Variants in MAGEA11 observed in about 807,000 individuals in gnomAD.
MAGEA11 encodes the protein melanoma-associated antigen 11.
In MAGEA11, 1 loss-of-function variant was observed where a neutral mutation model predicts 8.4. That is an observed-to-expected ratio of 0.12 (90% confidence interval 0.04 to 0.57). The LOEUF (loss-of-function observed/expected upper bound fraction) is 0.57. Among genes scored for constraint, MAGEA11 ranks in the 20% least tolerant of loss-of-function variants. The pLI, the probability that MAGEA11 is intolerant of heterozygous loss-of-function variation, is 0.91. For missense variants in MAGEA11, 209 were observed against 317.3 expected, an observed-to-expected ratio of 0.66 and a Z score of 2.59; for synonymous variants, 127 against 119.3, an observed-to-expected ratio of 1.06 and a Z score of -0.42.
Position 149,690,649 on chromosome X carries a change from G to C in MAGEA11, c.9+1665G>C, listed in dbSNP as rs782634805. ...TTTTAACTTAATACCTTTAAGTACT[G>C]TTATTTTAAACAGTTACTTTGCTAT... On this transcript the variant is annotated intron_variant, in intron 1 of 3. Transcript: ENST00000333104. 4.5e-5 allele frequency among the ~76,000 whole-genome samples: 5 copies of C among 112,314 alleles called. No homozygotes were observed. The South Asian group carries it at 1.8e-3, about 41-fold the overall frequency.
chrX:149,706,885 T>C (rs1410723152), intron 1 of MAGEA11, among the ~76,000 whole-genome samples: 1 of 112,201 alleles, frequency 8.9e-6, no homozygotes, highest in Non-Finnish European at 1.9e-5. Context: ...TTAACTTGCA[T>C]ATCCAAACAA....
chrX:149,716,548 G>A lies in MAGEA11; in HGVS notation c.1062G>A (p.Glu354=). ...YAGREHFLFG[E]PKRLLTQNWV... is the part of the protein sequence containing the mutation. ...GAAGGGAGCACTTCCTCTTTGGGGA[G>A]CCCAAGAGGCTCCTTACCCAAAATT... Residue 354 remains glutamate (E), a synonymous_variant, in exon 5 of 5, where the codon GAG becomes GAA. Coordinates refer to ENST00000355220, the MANE Select transcript of MAGEA11 (RefSeq NM_005366.5). The A allele has an allele frequency of 1.7e-6, 2 of 1,211,234 alleles. No individual in the cohort carries two copies. The highest frequency in any genetic ancestry group is 2.2e-6 in the Non-Finnish European group (2 of 895,135).
At chrX:149,689,013 G>T (rs1557359918) in intron 1 of MAGEA11, 3 of 1,021,419 alleles carry the variant, frequency 2.9e-6, no homozygotes, top group Non-Finnish European at 3.9e-6. Context: ...GCAAGGAGGG[G>T]TAAGCTGGAG....
At chrX:149,712,205 G>A in intron 1 of MAGEA11, 43 bp downstream of exon 1, 1 of 714,529 alleles carries the variant, frequency 1.4e-6, no homozygotes, top group Non-Finnish European at 1.7e-6. Context: ...TACCCAGATA[G>A]AGGGCCCCAA....
intron 1 of MAGEA11, among the ~76,000 whole-genome samples, chrX:149,712,365 G>A (rs1557361996): frequency 8.9e-6 from 1 of 112,016 alleles, no homozygotes; most frequent in Non-Finnish European, 1.9e-5. Context: ...GTGGGGCCCC[G>A]GCCTTTCCAG....
rs187292438 is a variant in MAGEA11 at position 149,704,832 on chromosome X, A to G, written c.10-9649A>G. Among the ~76,000 whole-genome samples the G allele has an allele frequency of 2.4e-3, 269 of 112,354 alleles. 1 individual carries two copies. The highest frequency in any genetic ancestry group is 4.5e-3 in the Non-Finnish European group (242 of 53,211). On this transcript the variant is annotated intron_variant, in intron 1 of 3. Coordinates refer to the MAGEA11 transcript ENST00000333104. ...TTAGATGACTCAACAATTTCCTTCG[A>G]GCCAACTCCACTGAGCAGGCTGGCA... is the stretch of plus-strand genomic sequence containing the variant.
At chrX:149,705,398 G>C (rs1342337052) in intron 1 of MAGEA11, among the ~76,000 whole-genome samples, 9 of 112,095 alleles carry the variant, frequency 8.0e-5, no homozygotes, top group Non-Finnish European at 3.8e-5. Context: ...CGTCATCCAC[G>C]TAAGATGTGA....
chrX:149,706,678 C>T (rs1557361494), intron 1 of MAGEA11, among the ~76,000 whole-genome samples: 3 of 111,753 alleles, frequency 2.7e-5, no homozygotes, highest in Admixed American at 1.9e-4. Flanking sequence ...AGCACTGAGT[C>T]TTGAGTAGTT....
upstream of MAGEA11, among the ~76,000 whole-genome samples, chrX:149,688,651 T>C (rs797036819): frequency 7.3e-5 from 7 of 96,197 alleles, no homozygotes; most frequent in Non-Finnish European, 1.4e-4. Flanking sequence ...TACATATACA[T>C]ATACACATAC....
At chrX:149,711,066 TA>T (rs2090398104), upstream of MAGEA11, among the ~76,000 whole-genome samples, 1 of 111,410 alleles carries the variant, frequency 9.0e-6, no homozygotes, top group African/African-American at 3.3e-5. Context: ...AGTCATGGGG[TA>T]ACTTCAGGAC....
Position 149,699,641 on chromosome X carries a change from G to A in MAGEA11, c.9+10657G>A, listed in dbSNP as rs782365131. On this transcript the variant is annotated intron_variant, in intron 1 of 3. Coordinates refer to the MAGEA11 transcript ENST00000333104. ...GGTAAGCACGTATGTACAGGATTGTGTTCCCAACTTGAGAAGGCAGCCCAT... is the reference window on the plus strand; with the variant it reads ...GGTAAGCACGTATGTACAGGATTGTATTCCCAACTTGAGAAGGCAGCCCAT... Among the ~76,000 whole-genome samples, 4 of 111,760 alleles carry A rather than the reference G, an allele frequency of 3.6e-5. No individual in the cohort carries two copies. The East Asian group carries it at 1.1e-3, about 31-fold the overall frequency.
intron 1 of MAGEA11, among the ~76,000 whole-genome samples, chrX:149,696,836 A>C (rs782072938): frequency 2.7e-5 from 3 of 111,810 alleles, no homozygotes; most frequent in Non-Finnish European, 5.6e-5. Flanking sequence ...CATTTCCTTC[A>C]AGTACTGTCC....
intron 1 of MAGEA11, among the ~76,000 whole-genome samples, chrX:149,703,595 G>A (rs1009502734): frequency 9.0e-6 from 1 of 111,148 alleles, no homozygotes; most frequent in Non-Finnish European, 1.9e-5. Flanking sequence ...TGGTTCAATA[G>A]CCCTGGTTAT....
upstream of MAGEA11, among the ~76,000 whole-genome samples, chrX:149,710,146 A>C (rs1239381196): frequency 8.9e-6 from 1 of 112,118 alleles, no homozygotes; most frequent in Non-Finnish European, 1.9e-5. Flanking sequence ...TTTGCAAAAC[A>C]GACAATAACT....
At chrX:149,693,153 T>C (rs1276086742) in intron 1 of MAGEA11, among the ~76,000 whole-genome samples, 3 of 112,661 alleles carry the variant, frequency 2.7e-5, no homozygotes, top group African/African-American at 9.7e-5. Context: ...CTTTTCTTCA[T>C]GAAAATGAGT....
At position 149,716,014 on chromosome X, in the gene MAGEA11, G is replaced by C; in HGVS notation, c.528G>C (p.Gln176His). Residue 176 changes from glutamine to histidine, a missense_variant, in exon 5 of 5, where the codon CAG becomes CAC. Gln to His is a conservative substitution (Grantham distance 24). Transcript: ENST00000355220. ...CACCAAGTCCTCCCCAGAGTCCTCA[G>C]GAAGAGTCCTTCTCTCCCACTGCCA... Reference protein sequence around the residue: ...AESPSPPQSPQEESFSPTAMD... With the variant: ...AESPSPPQSPHEESFSPTAMD... 4 of 1,211,862 alleles carry C rather than the reference G, an allele frequency of 3.3e-6. No individual in the cohort carries two copies. Among genetic ancestry groups the C allele is most frequent in the Non-Finnish European group, 4.5e-6 (4 of 895,561 alleles).
chrX:149,693,939 A>G (rs1028929900), intron 1 of MAGEA11, among the ~76,000 whole-genome samples: 17 of 112,252 alleles, frequency 1.5e-4, no homozygotes, highest in African/African-American at 4.5e-4. Context: ...CATTGTATGT[A>G]TATACATTTT....
At chrX:149,700,461 C>G (rs184010326) in intron 1 of MAGEA11, among the ~76,000 whole-genome samples, 2 of 110,458 alleles carry the variant, frequency 1.8e-5, no homozygotes, top group African/African-American at 6.6e-5. Flanking sequence ...TTCTTTTGCC[C>G]GTTGGTTGTT....
upstream of MAGEA11, among the ~76,000 whole-genome samples, chrX:149,688,649 CATAT>C (rs1557359869): frequency 1.1e-5 from 1 of 93,024 alleles, no homozygotes; most frequent in Non-Finnish European, 2.1e-5. Context: ...TGTACATATA[CATAT>C]ACACATACAT....
Sources: gnomAD v4.1 joint callset for allele counts (sites outside exome capture counted in the v4.1 genomes callset) on GRCh38, gnomAD v4.1.1 for gene constraint, MANE v1.5 for transcripts, NCBI Gene and HGNC (gene_info 2026-07-23, HGNC 2026-07-21) for gene names.